The following PLCB1 variants were observed in gnomAD, a reference collection of about 807,000 sequenced individuals.
PLCB1 encodes the protein phospholipase C beta 1.
In PLCB1, 46 loss-of-function variants were observed where a neutral mutation model predicts 161.8. That is an observed-to-expected ratio of 0.28 (90% CI 0.22 to 0.36). The LOEUF (loss-of-function observed/expected upper bound fraction) is 0.36. PLCB1 is among the 10% of genes least tolerant of loss of function. The pLI, the probability that PLCB1 is intolerant of heterozygous loss-of-function variation, is 1.00. For synonymous variants in PLCB1, 517 were observed against 503.7 expected, an observed-to-expected ratio of 1.03 and a Z score of -0.35; for missense variants, 1,016 against 1,472.5, an observed-to-expected ratio of 0.69 and a Z score of 5.07.
At chr20:8,777,896 C>T (rs1983024168) in intron 27 of PLCB1, among the ~76,000 whole-genome samples, 1 of 152,084 alleles carries the variant, frequency 6.6e-6, no homozygotes, top group Non-Finnish European at 1.5e-5. Flanking sequence ...TGGATGGCAG[C>T]AGGCACAGAA....
intron 2 of PLCB1, among the ~76,000 whole-genome samples, chr20:8,153,047 C>CT (rs2051525783): frequency 6.6e-6 from 1 of 152,060 alleles, no homozygotes; most frequent in African/African-American, 2.4e-5. Flanking sequence ...TCCAAAACCC[C>CT]TCCTTTGATT....
intron 2 of PLCB1, among the ~76,000 whole-genome samples, chr20:8,210,193 G>A (rs1241438270): frequency 6.6e-6 from 1 of 152,066 alleles, no homozygotes; most frequent in African/African-American, 2.4e-5. Context: ...TGTCTGGGGT[G>A]AAAATTATTA....
At chr20:8,851,736 A>AT (rs1568625011) in intron 31 of PLCB1, among the ~76,000 whole-genome samples, 2 of 136,020 alleles carry the variant, frequency 1.5e-5, no homozygotes, top group African/African-American at 5.6e-5. Context: ...CATTTTTTTC[A>AT]TTTTTTTTCA....
chr20:8,880,703 C>T (rs568708801), intron 31 of PLCB1, among the ~76,000 whole-genome samples: 1 of 152,272 alleles, frequency 6.6e-6, no homozygotes, highest in East Asian at 1.9e-4. Flanking sequence ...TACTCAGCTT[C>T]TTAGCTTCCC....
At position 8,396,122 on chromosome 20, in the gene PLCB1, G is replaced by T. The variant is rs534968762; in HGVS notation, c.246+24672G>T. On this transcript the variant is annotated intron_variant, in intron 3 of 31. Coordinates refer to ENST00000338037, the MANE Select transcript of PLCB1 (RefSeq NM_015192.4). Reference sequence around the variant, plus strand: ...TTGAGCTGAATCATGCCTTACTTTTGTAAGTTGAGCTTGTTTCTCTGGCAA... The same window carrying T: ...TTGAGCTGAATCATGCCTTACTTTTTTAAGTTGAGCTTGTTTCTCTGGCAA... Among the ~76,000 whole-genome samples the T allele has an allele frequency of 6.6e-5, 10 of 152,134 alleles. No homozygotes were observed. The East Asian group carries it at 1.9e-3, about 29-fold the overall frequency.
intron 2 of PLCB1, among the ~76,000 whole-genome samples, chr20:8,353,068 G>A (rs1009655241): frequency 2.6e-5 from 4 of 152,000 alleles, no homozygotes; most frequent in East Asian, 3.9e-4. Flanking sequence ...TTCTAGTGCC[G>A]TTCTTCAATA....
At chr20:8,435,685 T>A (rs1231531923) in intron 3 of PLCB1, among the ~76,000 whole-genome samples, 2 of 152,150 alleles carry the variant, frequency 1.3e-5, no homozygotes, top group Non-Finnish European at 2.9e-5. Flanking sequence ...GGAAGTGGAT[T>A]ATTCCCCAAT....
intron 3 of PLCB1, among the ~76,000 whole-genome samples, chr20:8,531,757 AAT>A (rs11472614): frequency 7.3e-5 from 11 of 151,064 alleles, no homozygotes; most frequent in Admixed American, 2.0e-4. Flanking sequence ...TCCAGATTAA[AAT>A]ATATATATAT....
chr20:8,793,958 A>G (rs1287763789), intron 31 of PLCB1, among the ~76,000 whole-genome samples: 1 of 152,150 alleles, frequency 6.6e-6, no homozygotes, highest in Non-Finnish European at 1.5e-5. Context: ...TATCTTTCTC[A>G]GGGATGTTCC....
At chr20:8,580,101 G>A (rs1986786841) in intron 3 of PLCB1, among the ~76,000 whole-genome samples, 1 of 152,128 alleles carries the variant, frequency 6.6e-6, no homozygotes, top group Admixed American at 6.6e-5. Context: ...GGATTGGTTA[G>A]TTTGTATATG....
intron 1 of PLCB1, among the ~76,000 whole-genome samples, chr20:8,148,096 A>G (rs114656172): frequency 0.013 from 2,044 of 152,208 alleles, 47 homozygotes; most frequent in African/African-American, 0.046. Flanking sequence ...AGATGCTCTG[A>G]TAAGAAAAGA....
intron 2 of PLCB1, among the ~76,000 whole-genome samples, chr20:8,167,908 C>T (rs915096690): frequency 6.6e-6 from 1 of 152,076 alleles, no homozygotes; most frequent in African/African-American, 2.4e-5. Flanking sequence ...CAGGTGGGCT[C>T]CTTCTGGCTT....
At chr20:8,257,835 A>G (rs1351579327) in intron 2 of PLCB1, among the ~76,000 whole-genome samples, 1 of 152,152 alleles carries the variant, frequency 6.6e-6, no homozygotes, top group East Asian at 1.9e-4. Flanking sequence ...GATAAAGGAC[A>G]AAGACACTGT....
intron 2 of PLCB1, among the ~76,000 whole-genome samples, chr20:8,249,985 G>C (rs1466400605): frequency 2.6e-5 from 4 of 151,952 alleles, no homozygotes. Context: ...CCTGTTGCCA[G>C]AGATTTACTG....
intron 19 of PLCB1, among the ~76,000 whole-genome samples, chr20:8,733,803 A>G (rs1408586438): frequency 3.5e-5 from 5 of 143,968 alleles, no homozygotes; most frequent in Admixed American, 6.9e-5. Context: ...AATAATAATA[A>G]TAATAATAAT....
intron 23 of PLCB1, chr20:8,751,827 TTC>T (rs1056576778): frequency 7.2e-5 from 11 of 152,198 alleles, no homozygotes; most frequent in African/African-American, 2.2e-4. Context: ...CATTCCTAGT[TTC>T]TGTTTCTATC....
At chr20:8,806,704 CT>C (rs1984556374) in intron 31 of PLCB1, among the ~76,000 whole-genome samples, 1 of 152,106 alleles carries the variant, frequency 6.6e-6, no homozygotes, top group African/African-American at 2.4e-5. Flanking sequence ...AACGGGTCTG[CT>C]TTCATTTGTT....
intron 2 of PLCB1, among the ~76,000 whole-genome samples, chr20:8,297,754 G>C (rs1983703515): frequency 6.6e-6 from 1 of 152,030 alleles, no homozygotes; most frequent in South Asian, 2.1e-4. Context: ...AGGAAGCTCT[G>C]GCCATTTGGT....
intron 31 of PLCB1, among the ~76,000 whole-genome samples, chr20:8,875,252 A>G (rs1987738850): frequency 1.3e-5 from 2 of 150,612 alleles, no homozygotes; most frequent in East Asian, 3.9e-4. Flanking sequence ...TCTTGCTTAA[A>G]AAGGTCTCTG....
Sources: allele counts gnomAD v4.1 joint callset (sites outside exome capture counted in the v4.1 genomes callset), GRCh38; gene constraint gnomAD v4.1.1; transcripts MANE v1.5; gene names NCBI Gene and HGNC (gene_info 2026-07-23, HGNC 2026-07-21).